CTTNBP2: variants seen among roughly 807,000 people sequenced by gnomAD.
CTTNBP2 encodes the protein cortactin-binding protein 2.
In CTTNBP2, 108 loss-of-function variants were observed where a neutral mutation model predicts 156.9. The ratio of observed to expected loss-of-function variants is 0.69; its 90% CI spans 0.59 to 0.81. The LOEUF is 0.81. Ranked by LOEUF, CTTNBP2 falls within the 30% of genes least tolerant of loss-of-function variation. CTTNBP2 has a pLI of 0.00. For missense variants in CTTNBP2, 1,924 were observed against 2,035.4 expected (o/e 0.95, Z 1.05); for synonymous variants, 767 against 751.8 (o/e 1.02, Z -0.33).
intron 2 of CTTNBP2, among the ~76,000 whole-genome samples, chr7:117,811,983 TTG>T: frequency 6.7e-6 from 1 of 149,764 alleles, no homozygotes; most frequent in African/African-American, 2.5e-5. Context: ...TATTCGTAGT[TTG>T]TAAAATTTGA....
At chr7:117,771,632 G>A (rs961442437) in intron 8 of CTTNBP2, among the ~76,000 whole-genome samples, 1 of 152,186 alleles carries the variant, frequency 6.6e-6, no homozygotes, top group African/African-American at 2.4e-5. Context: ...AAGGACAAGA[G>A]TGACAGCAAG....
chr7:117,744,199 T>G (rs961361853), intron 14 of CTTNBP2, among the ~76,000 whole-genome samples: 1 of 152,214 alleles, frequency 6.6e-6, no homozygotes, highest in Admixed American at 6.5e-5. Context: ...TATTTTACAA[T>G]GTACAATTAA....
At position 117,791,824 on chromosome 7, in the gene CTTNBP2, C is replaced by T. The variant is rs1266580838; in HGVS notation, c.1372G>A (p.Asp458Asn). The change falls in exon 4 of 23, where the codon GAC (aspartate) becomes AAC (asparagine). Residue 458 changes from aspartate to asparagine, a missense_variant. Physicochemically the swap from Asp to Asn is conservative, Grantham distance 23. Coordinates refer to ENST00000160373, the MANE Select transcript of CTTNBP2 (RefSeq NM_033427.3). ...ARFRFQGNAN[D>N]PDQNGNTTQS... Reference sequence around the variant, plus strand: ...GTAGTATTTCCATTTTGGTCTGGGTCGTTAGCATTGCCCTGAAATCTAAAT... The same window carrying T: ...GTAGTATTTCCATTTTGGTCTGGGTTGTTAGCATTGCCCTGAAATCTAAAT... 6.8e-6 allele frequency: 11 copies of T among 1,614,000 alleles called. No homozygotes were observed. The highest frequency in any genetic ancestry group is 3.3e-5 in the Admixed American group (2 of 59,990).
chr7:117,820,450 A>G (rs1293591279), intron 2 of CTTNBP2, among the ~76,000 whole-genome samples: 2 of 152,242 alleles, frequency 1.3e-5, no homozygotes, highest in Non-Finnish European at 2.9e-5. Context: ...TCTATTTAAT[A>G]GCAAGAAACC....
In CTTNBP2 at chr7:117,719,564, T is replaced by TGC. The variant is rs1320853864; in HGVS notation, c.4582_4583dup (p.Asp1529GlnfsTer29). 2 of 1,613,836 alleles carry TGC rather than the reference T, an allele frequency of 1.2e-6. No homozygotes were observed. The highest frequency in any genetic ancestry group is 1.7e-6 in the Non-Finnish European group (2 of 1,179,846). Reference sequence around the variant, plus strand: ...TGCTCTGAAGTTCCTTGACAAGATCTGCTTCGTCATCTGAACCCAGAGAGA... The same window carrying TGC: ...TGCTCTGAAGTTCCTTGACAAGATCTGCGCTTCGTCATCTGAACCCAGAGAGA... On this transcript the variant is annotated frameshift_variant, in exon 21 of 23. Coordinates refer to ENST00000160373, the MANE Select transcript of CTTNBP2 (RefSeq NM_033427.3). LOFTEE classifies it high-confidence loss of function.
In CTTNBP2 at chr7:117,807,113, C is replaced by T. The variant is rs75890378; in HGVS notation, c.414+3652G>A. Among the ~76,000 whole-genome samples, 53 of 152,224 alleles carry T rather than the reference C, an allele frequency of 3.5e-4. 1 individual carries two copies. The East Asian group carries it at 0.01, about 29-fold the overall frequency. ...CTGCTCTCTCCTTGAAATTTCTACTCAGAGCCACAGATCTCAATCTCCAAC... is the reference window on the plus strand; with the variant it reads ...CTGCTCTCTCCTTGAAATTTCTACTTAGAGCCACAGATCTCAATCTCCAAC... On this transcript the variant is annotated intron_variant, in intron 3 of 22. Transcript: ENST00000160373.
At chr7:117,720,944 C>A in intron 20 of CTTNBP2, 123 bp downstream of exon 20, 1 of 736,322 alleles carries the variant, frequency 1.4e-6, no homozygotes, top group African/African-American at 1.8e-5. Context: ...ACATATATAA[C>A]TTTTTTAAAA....
At chr7:117,796,510 C>G (rs1018089812) in intron 3 of CTTNBP2, among the ~76,000 whole-genome samples, 1 of 152,154 alleles carries the variant, frequency 6.6e-6, no homozygotes, top group Non-Finnish European at 1.5e-5. Context: ...AGATGTAGTA[C>G]TAAATTCTGA....
intron 2 of CTTNBP2, among the ~76,000 whole-genome samples, chr7:117,834,944 G>T (rs1178816272): frequency 6.6e-6 from 1 of 152,194 alleles, no homozygotes; most frequent in African/African-American, 2.4e-5. Context: ...ATTGCTTCAG[G>T]TTTCATTTGT....
chr7:117,735,350 A>G lies in CTTNBP2; in HGVS notation c.3607T>C (p.Ser1203Pro). Residue 1203 changes from serine (S) to proline (P), a missense_variant, in exon 15 of 23, where the codon TCT (serine) becomes CCT (proline). Transcript: ENST00000160373. Reference protein sequence around the residue: ...IIIILENLEKSSLSELLRDFL... With the variant: ...IIIILENLEKPSLSELLRDFL... ...TCCCTCAATAACTCCGACAGTGAAG[A>G]TTTTTCTAAATTTTCTAAAATGATG... 6.2e-7 allele frequency: 1 copy of G among 1,613,616 alleles called. No individual in the cohort carries two copies.
chr7:117,780,913 T>G (rs1798399601), intron 6 of CTTNBP2, among the ~76,000 whole-genome samples: 2 of 152,244 alleles, frequency 1.3e-5, no homozygotes, highest in South Asian at 4.1e-4. Flanking sequence ...ATGAACGGTT[T>G]AACTGTACTT....
intron 12 of CTTNBP2, among the ~76,000 whole-genome samples, chr7:117,754,450 TATAC>T (rs1796780821): frequency 1.3e-5 from 2 of 152,234 alleles, no homozygotes; most frequent in African/African-American, 4.8e-5. Context: ...CAATGTGTCT[TATAC>T]ATAGCTCTAT....
chr7:117,784,849 A>T (rs1005625144), intron 4 of CTTNBP2, among the ~76,000 whole-genome samples: 3 of 152,198 alleles, frequency 2.0e-5, no homozygotes, highest in African/African-American at 4.8e-5. Flanking sequence ...CCTCTAATTC[A>T]ATATTAATCT....
intron 3 of CTTNBP2, among the ~76,000 whole-genome samples, chr7:117,804,394 C>G (rs1057092689): frequency 9.9e-5 from 15 of 152,076 alleles, no homozygotes; most frequent in Non-Finnish European, 1.9e-4. Flanking sequence ...AACACAACAC[C>G]ACAGACATGG....
chr7:117,800,699 C>T (rs951810244), intron 3 of CTTNBP2, among the ~76,000 whole-genome samples: 3 of 152,012 alleles, frequency 2.0e-5, no homozygotes, highest in South Asian at 2.1e-4. Context: ...AGAAAAAGGA[C>T]TGGCATATAC....
At chr7:117,853,571 C>T (rs1478066084) in intron 2 of CTTNBP2, among the ~76,000 whole-genome samples, 1 of 152,110 alleles carries the variant, frequency 6.6e-6, no homozygotes, top group East Asian at 1.9e-4. Context: ...CAAAGGAATA[C>T]CTTGTATTTT....
intron 2 of CTTNBP2, among the ~76,000 whole-genome samples, chr7:117,817,427 G>A (rs1800687174): frequency 7.2e-6 from 1 of 139,356 alleles, no homozygotes; most frequent in Admixed American, 7.4e-5. Context: ...ATCTTGTTGA[G>A]AATGTCGTAA....
chr7:117,822,359 G>A (rs1801017686), intron 2 of CTTNBP2, among the ~76,000 whole-genome samples: 1 of 151,700 alleles, frequency 6.6e-6, no homozygotes, highest in Non-Finnish European at 1.5e-5. Context: ...CCTATTGTAT[G>A]TCTATTTTGC....
At chr7:117,721,364 G>A (rs771341684) in intron 19 of CTTNBP2, among the ~76,000 whole-genome samples, 7 of 152,184 alleles carry the variant, frequency 4.6e-5, no homozygotes, top group Non-Finnish European at 8.8e-5. Flanking sequence ...GATGGAACTC[G>A]GTACAACTAA....
Sources: allele counts gnomAD v4.1 joint callset (sites outside exome capture counted in the v4.1 genomes callset), GRCh38; gene constraint gnomAD v4.1.1; transcripts MANE v1.5; gene names NCBI Gene and HGNC (gene_info 2026-07-23, HGNC 2026-07-21).